Variants in SGCG observed in about 807,000 individuals in gnomAD.
SGCG encodes the protein gamma-sarcoglycan.
In SGCG, 26 loss-of-function variants were observed where a neutral mutation model predicts 29.3. The ratio of observed to expected loss-of-function variants is 0.89; its 90% CI spans 0.65 to 1.23. SGCG has a LOEUF of 1.23. SGCG is among the 50% of genes most tolerant of loss of function. The pLI, the probability that SGCG is intolerant of heterozygous loss-of-function variation, is 0.00. For missense variants in SGCG, 353 were observed against 356.0 expected (o/e 0.99, Z 0.07); for synonymous variants, 145 against 129.7 (o/e 1.12, Z -0.80).
At chr13:23,204,586 CTTTTCTTTCTTTTCTT>C (rs1401570990) in intron 2 of SGCG, among the ~76,000 whole-genome samples, 1 of 2,402 alleles carries the variant, frequency 4.2e-4, no homozygotes, top group Non-Finnish European at 1.2e-3. Flanking sequence ...CAGGCTCTTT[CTTTTCTTTCTTTTCTT>C]TCTTTTCTTT....
chr13:23,254,732 C>G (rs376328785), intron 4 of SGCG, among the ~76,000 whole-genome samples: 2 of 152,160 alleles, frequency 1.3e-5, no homozygotes, highest in Non-Finnish European at 2.9e-5. Flanking sequence ...CCCATTCCAT[C>G]ACGGGCACAG....
chr13:23,273,374 A>G (rs1880941316), intron 4 of SGCG, among the ~76,000 whole-genome samples: 1 of 151,948 alleles, frequency 6.6e-6, no homozygotes, highest in Non-Finnish European at 1.5e-5. Flanking sequence ...TAGTAGAGAT[A>G]GGGTTTCACC....
At chr13:23,281,626 G>A (rs1174715581) in intron 5 of SGCG, among the ~76,000 whole-genome samples, 1 of 152,168 alleles carries the variant, frequency 6.6e-6, no homozygotes, top group Non-Finnish European at 1.5e-5. Context: ...TTTCATGGAA[G>A]AAAATGTTTT....
chr13:23,180,255 C>T (rs1276142315), upstream of SGCG, among the ~76,000 whole-genome samples: 3 of 152,070 alleles, frequency 2.0e-5, no homozygotes, highest in Admixed American at 6.6e-5. Context: ...GTCTTTACAC[C>T]TTATAAAATG....
chr13:23,179,694 A>C (rs9507045), upstream of SGCG, among the ~76,000 whole-genome samples: 1 of 152,228 alleles, frequency 6.6e-6, no homozygotes, highest in African/African-American at 2.4e-5. Flanking sequence ...TACAAATGTA[A>C]GATTATTTGA....
At chr13:23,162,478 T>C in the SGCG span, among the ~76,000 whole-genome samples, 1 of 152,164 alleles carries the variant, frequency 6.6e-6, no homozygotes, top group Non-Finnish European at 1.5e-5. Flanking sequence ...TTTTAAAAAT[T>C]AGCCGGGCGT....
At chr13:23,257,371 A>G (rs1252995624) in intron 4 of SGCG, among the ~76,000 whole-genome samples, 1 of 152,034 alleles carries the variant, frequency 6.6e-6, no homozygotes, top group Non-Finnish European at 1.5e-5. Context: ...TTAACTAGTC[A>G]TTTACATTAG....
At chr13:23,183,419 C>T (rs1008668293) in intron 1 of SGCG, among the ~76,000 whole-genome samples, 5 of 152,078 alleles carry the variant, frequency 3.3e-5, no homozygotes, top group Non-Finnish European at 7.4e-5. Context: ...CAGGAGACTC[C>T]AGGCTGAGGC....
upstream of SGCG, among the ~76,000 whole-genome samples, chr13:23,180,687 T>C (rs562022973): frequency 1.3e-5 from 2 of 152,380 alleles, no homozygotes; most frequent in Non-Finnish European, 2.9e-5. Flanking sequence ...AAGAAAGTTA[T>C]AATTACATTA....
At chr13:23,296,777 G>A (rs902142500) in intron 6 of SGCG, among the ~76,000 whole-genome samples, 2 of 152,002 alleles carry the variant, frequency 1.3e-5, no homozygotes, top group African/African-American at 4.8e-5. Context: ...AAATCACCCA[G>A]TTCCATACAT....
At chr13:23,227,366 G>A (rs972224048) in intron 2 of SGCG, among the ~76,000 whole-genome samples, 39 of 150,456 alleles carry the variant, frequency 2.6e-4, no homozygotes, top group African/African-American at 8.5e-4. Context: ...ACAAGAATGC[G>A]GAACAACTAT....
chr13:23,243,174 G>A (rs932429021), intron 3 of SGCG, among the ~76,000 whole-genome samples: 3 of 152,234 alleles, frequency 2.0e-5, no homozygotes, highest in Non-Finnish European at 4.4e-5. Flanking sequence ...CCAGCTAGCC[G>A]TGGCATAAAC....
chr13:23,299,863 A>C (rs1032734741), intron 6 of SGCG, among the ~76,000 whole-genome samples: 1 of 152,180 alleles, frequency 6.6e-6, no homozygotes, highest in African/African-American at 2.4e-5. Context: ...CTTTTTTAAA[A>C]AGTCAGCAAA....
At chr13:23,177,564 C>T (rs1876597397), upstream of SGCG, among the ~76,000 whole-genome samples, 1 of 135,118 alleles carries the variant, frequency 7.4e-6, no homozygotes, top group South Asian at 2.3e-4. Context: ...GGCATGTGAG[C>T]AGGCTTTTTT....
chr13:23,195,658 TTGA>T lies in SGCG; in HGVS notation c.1-8032_1-8030del, dbSNP rs1487714705. 9.3e-5 allele frequency among the ~76,000 whole-genome samples: 14 copies of T among 151,302 alleles called. 1 individual carries two copies. The South Asian group carries it at 2.5e-3, about 27-fold the overall frequency. On this transcript the variant is annotated intron_variant, in intron 1 of 7. Coordinates refer to ENST00000218867, the MANE Select transcript of SGCG (RefSeq NM_000231.3). ...CCTATTGTAAAGAAGAGAGAATGAT[TTGA>T]TGATCTTTTAATCTAGATGTGTGTG... is the stretch of plus-strand genomic sequence containing the variant.
chr13:23,197,110 A>G (rs527875605), intron 1 of SGCG, among the ~76,000 whole-genome samples: 1 of 152,164 alleles, frequency 6.6e-6, no homozygotes, highest in South Asian at 2.1e-4. Flanking sequence ...TTACTTGTGA[A>G]TTATCTGTCA....
At chr13:23,241,145 T>C (rs1375386465) in intron 3 of SGCG, among the ~76,000 whole-genome samples, 1 of 89,946 alleles carries the variant, frequency 1.1e-5, no homozygotes, top group African/African-American at 3.8e-5. Context: ...CGAGACTCCA[T>C]CTCAAAAAAA....
intron 4 of SGCG, among the ~76,000 whole-genome samples, chr13:23,269,612 G>A (rs758875666): frequency 7.9e-5 from 12 of 152,064 alleles, no homozygotes; most frequent in Admixed American, 1.3e-4. Flanking sequence ...GATAGCATAC[G>A]GTAGGTAGTC....
intron 5 of SGCG, among the ~76,000 whole-genome samples, chr13:23,295,171 C>T (rs1378459046): frequency 6.6e-6 from 1 of 151,942 alleles, no homozygotes; most frequent in Non-Finnish European, 1.5e-5. Flanking sequence ...TTAAAATAAG[C>T]CTGCTAATTT....
Sources: gnomAD v4.1 joint callset for allele counts (sites outside exome capture counted in the v4.1 genomes callset) on GRCh38, gnomAD v4.1.1 for gene constraint, MANE v1.5 for transcripts, NCBI Gene and HGNC (gene_info 2026-07-23, HGNC 2026-07-21) for gene names.